The following TJP2 variants were observed in gnomAD, a reference collection of about 807,000 sequenced individuals.
TJP2 encodes the protein Friedreich ataxia region gene X104 (tight junction protein ZO-2).
In TJP2, 91 loss-of-function variants were observed where a neutral mutation model predicts 133.1. The ratio of observed to expected loss-of-function variants is 0.68; its 90% confidence interval spans 0.58 to 0.81. TJP2 has a LOEUF of 0.81. TJP2 is among the 40% of genes least tolerant of loss of function. The probability of loss-of-function intolerance (pLI) is 0.00; values close to 1 mark genes in which losing one functional copy is unlikely to be tolerated. For missense variants in TJP2, 1,541 were observed against 1,565.6 expected (o/e 0.98, Z 0.26); for synonymous variants, 592 against 583.4 (o/e 1.01, Z -0.21).
rs199597127 is a variant in TJP2 at position 69,254,284 on chromosome 9, C to A, written c.3483C>A (p.Ala1161=). Residue 1161 remains alanine, a synonymous_variant, in exon 23 of 23, where the codon GCC becomes GCA. Transcript: ENST00000377245. ...CCAGAGGAAGTTATGGCAGTGATGC[C>A]GAGGAGGAGGAGTACCGCCAGCAGC... is the stretch of plus-strand genomic sequence containing the variant. ...QDTRGSYGSD[A]EEEEYRQQLS... 8.1e-6 allele frequency: 13 copies of A among 1,614,214 alleles called. No individual in the cohort carries two copies. The East Asian group carries it at 2.9e-4, about 36-fold the overall frequency.
At chr9:69,150,114 C>T (rs1349899178) in intron 1 of TJP2, among the ~76,000 whole-genome samples, 1 of 152,018 alleles carries the variant, frequency 6.6e-6, no homozygotes, top group Non-Finnish European at 1.5e-5. Context: ...TGTGCCACTG[C>T]ACTCCAGCCT....
At chr9:69,149,303 AAGTTT>A (rs1388041093) in intron 1 of TJP2, among the ~76,000 whole-genome samples, 1 of 152,216 alleles carries the variant, frequency 6.6e-6, no homozygotes, top group Non-Finnish European at 1.5e-5. Flanking sequence ...ACCTGTAGAA[AAGTTT>A]GCATATGAAG....
chr9:69,186,515 T>A (rs1230819052), intron 1 of TJP2, among the ~76,000 whole-genome samples: 1 of 152,222 alleles, frequency 6.6e-6, no homozygotes, highest in Non-Finnish European at 1.5e-5. Context: ...TTTATCTCTT[T>A]TTCTCCAGAC....
chr9:69,137,271 TTTTC>T (rs71507118), intron 1 of TJP2, among the ~76,000 whole-genome samples: 133 of 92,074 alleles, frequency 1.4e-3, no homozygotes, highest in South Asian at 8.1e-4. Flanking sequence ...CTTTCTTTCT[TTTTC>T]TTTCTTTCTT....
intron 4 of TJP2, among the ~76,000 whole-genome samples, chr9:69,220,149 T>TTAAA (rs965821609): frequency 5.9e-5 from 9 of 152,012 alleles, no homozygotes; most frequent in East Asian, 1.9e-4. Context: ...TAATAATAAA[T>TTAAA]TAAATAAATA....
intron 5 of TJP2, 63 bp downstream of exon 5, chr9:69,221,559 A>ATT: frequency 9.3e-6 from 12 of 1,291,540 alleles, no homozygotes; most frequent in Admixed American, 2.3e-5. Context: ...TGTTTTCTTA[A>ATT]TTTTTTTTTT....
chr9:69,211,069 G>C (rs1440661832), intron 1 of TJP2, among the ~76,000 whole-genome samples: 2 of 152,196 alleles, frequency 1.3e-5, no homozygotes, highest in Non-Finnish European at 2.9e-5. Context: ...GGGTGGCTTG[G>C]TGGCTCATGC....
rs1024290787 is a variant in TJP2 at position 69,239,945 on chromosome 9, T to C, written c.2364T>C (p.His788=). 1.4e-5 allele frequency: 22 copies of C among 1,614,064 alleles called. No homozygotes were observed. Among genetic ancestry groups the C allele is most frequent in the Non-Finnish European group, 1.8e-5 (21 of 1,179,868 alleles). ...TCCCCTTTTGTAAACAGGATAAGCA[T>C]GCACTACTGGATGTGACTCCGAAAG... is the stretch of plus-strand genomic sequence containing the variant. ...TVRQIIEQDK[H]ALLDVTPKAV... The change falls in exon 17 of 23, where the codon CAT becomes CAC. Residue 788 remains histidine, a synonymous_variant. Coordinates refer to ENST00000377245, the MANE Select transcript of TJP2 (RefSeq NM_004817.4).
intron 1 of TJP2, among the ~76,000 whole-genome samples, chr9:69,140,675 C>T (rs1822980976): frequency 1.3e-5 from 2 of 152,200 alleles, no homozygotes; most frequent in African/African-American, 2.4e-5. Context: ...CTTAAACCAG[C>T]TCCTGCCAAG....
At chr9:69,231,707 A>C (rs1014692136) in intron 11 of TJP2, among the ~76,000 whole-genome samples, 1 of 152,140 alleles carries the variant, frequency 6.6e-6, no homozygotes, top group Non-Finnish European at 1.5e-5. Flanking sequence ...TTTTCAGTGA[A>C]ATTCTAGACC....
intron 2 of TJP2, among the ~76,000 whole-genome samples, chr9:69,165,478 G>A (rs1824302440): frequency 6.6e-6 from 1 of 152,048 alleles, no homozygotes; most frequent in Non-Finnish European, 1.5e-5. Flanking sequence ...TGGGCAAACT[G>A]CTTTCTCTGA....
At position 69,234,144 on chromosome 9, in the gene TJP2, A is replaced by G. The variant is rs145846322; in HGVS notation, c.1672-295A>G. Reference sequence around the variant, plus strand: ...GATAGAAACAACCACAAGAAATTCTATTGTGATCTGGTGACAGATCCTTGC... The same window carrying G: ...GATAGAAACAACCACAAGAAATTCTGTTGTGATCTGGTGACAGATCCTTGC... On this transcript the variant is annotated intron_variant, in intron 11 of 22. Transcript: ENST00000377245. 0.017 allele frequency among the ~76,000 whole-genome samples: 2,596 copies of G among 152,268 alleles called. 44 individuals are homozygous for G. Among genetic ancestry groups the G allele is most frequent in the Middle Eastern group, 0.037 (11 of 294 alleles).
chr9:69,193,644 G>GT (rs1365864751), intron 1 of TJP2, among the ~76,000 whole-genome samples: 2 of 135,322 alleles, frequency 1.5e-5, no homozygotes, highest in Non-Finnish European at 3.1e-5. Flanking sequence ...CTTTTTCTAA[G>GT]TTTAGAAACA....
intron 2 of TJP2, among the ~76,000 whole-genome samples, chr9:69,155,469 G>T (rs1393004099): frequency 6.6e-6 from 1 of 152,212 alleles, no homozygotes; most frequent in Non-Finnish European, 1.5e-5. Context: ...GTTAAAACAC[G>T]GATTCCTGGG....
At chr9:69,148,413 C>G (rs905352611) in intron 1 of TJP2, among the ~76,000 whole-genome samples, 1 of 149,016 alleles carries the variant, frequency 6.7e-6, no homozygotes, top group African/African-American at 2.5e-5. Flanking sequence ...ACTTTGTCGC[C>G]CAGGAGGCTG....
At position 69,236,142 on chromosome 9, in the gene TJP2, G is replaced by A. The variant is rs757972142; in HGVS notation, c.1895G>A (p.Arg632Gln). Reference protein sequence around the residue: ...SLAFTRGEVFRVVDTLYDGKL... With the variant: ...SLAFTRGEVFQVVDTLYDGKL... ...GCCTTCACCAGAGGGGAGGTCTTCCGAGTGGTAGACACACTGTATGACGGC... is the reference window on the plus strand; with the variant it reads ...GCCTTCACCAGAGGGGAGGTCTTCCAAGTGGTAGACACACTGTATGACGGC... Residue 632 changes from arginine to glutamine, a missense_variant, in exon 13 of 23, where the codon CGA becomes CAA. By Grantham distance (43) the Arg-to-Gln change is conservative. Transcript: ENST00000377245. 38 of 1,614,036 alleles carry A rather than the reference G, an allele frequency of 2.4e-5. No homozygotes were observed. The highest frequency in any genetic ancestry group is 1.2e-4 in the Admixed American group (7 of 59,998).
At chr9:69,218,236 A>G (rs778948559) in intron 3 of TJP2, 21 bp from the exon 4 acceptor site, 21 of 1,586,322 alleles carry the variant, frequency 1.3e-5, no homozygotes, top group Non-Finnish European at 1.7e-5. Flanking sequence ...TTCATGACCC[A>G]TTTTTATTTC....
intron 20 of TJP2, 182 bp downstream of exon 20, chr9:69,249,667 A>G (rs1367725802): frequency 3.0e-6 from 3 of 985,342 alleles, no homozygotes; most frequent in Admixed American, 6.1e-5. Flanking sequence ...AGGGAAGGGC[A>G]AAAAGGAAGG....
upstream of TJP2, among the ~76,000 whole-genome samples, chr9:69,170,349 A>G (rs1824612684): frequency 6.6e-6 from 1 of 151,992 alleles, no homozygotes. Flanking sequence ...CATTAGATGT[A>G]ATTTGTGTTT....
Sources: allele counts gnomAD v4.1 joint callset (sites outside exome capture counted in the v4.1 genomes callset), GRCh38; gene constraint gnomAD v4.1.1; transcripts MANE v1.5; gene names NCBI Gene and HGNC (gene_info 2026-07-23, HGNC 2026-07-21).